PABPC4L: variants seen among roughly 807,000 people sequenced by gnomAD.
PABPC4L encodes the protein poly(A) binding protein cytoplasmic 4 like.
For missense variants in PABPC4L, 452 were observed against 451.4 expected, an observed-to-expected ratio of 1.00 and a Z score of -0.01; for synonymous variants, 169 against 164.1, an observed-to-expected ratio of 1.03 and a Z score of -0.23.
the PABPC4L span, among the ~76,000 whole-genome samples, chr4:134,002,528 AC>A: frequency 6.6e-6 from 1 of 151,960 alleles, no homozygotes; most frequent in Non-Finnish European, 1.5e-5. Flanking sequence ...CTTCAGAGAA[AC>A]TTTTTTTATT....
chr4:134,112,562 C>G, the PABPC4L span, among the ~76,000 whole-genome samples: 2 of 147,284 alleles, frequency 1.4e-5, no homozygotes, highest in Non-Finnish European at 3.0e-5. Flanking sequence ...TTACTATGCT[C>G]CACGTAACTA....
chr4:134,035,780 G>C, the PABPC4L span, among the ~76,000 whole-genome samples: 8 of 152,102 alleles, frequency 5.3e-5, no homozygotes, highest in African/African-American at 1.9e-4. Flanking sequence ...TATGATGGTT[G>C]AAATGATCAG....
the PABPC4L span, among the ~76,000 whole-genome samples, chr4:134,111,660 G>A: frequency 3.3e-5 from 5 of 151,980 alleles, no homozygotes; most frequent in East Asian, 3.9e-4. Context: ...AGTCTTTCTC[G>A]TGCTATTCTC....
At chr4:134,097,521 A>C in the PABPC4L span, among the ~76,000 whole-genome samples, 1 of 151,902 alleles carries the variant, frequency 6.6e-6, no homozygotes, top group Admixed American at 6.6e-5. Context: ...TGTTATACTC[A>C]TAATTCACTT....
chr4:134,066,753 AGGT>A, the PABPC4L span, among the ~76,000 whole-genome samples: 750 of 151,996 alleles, frequency 4.9e-3, 9 homozygotes, highest in African/African-American at 0.017. Context: ...ACATGAAGAG[AGGT>A]TGAATTTTAC....
the PABPC4L span, among the ~76,000 whole-genome samples, chr4:134,074,099 A>G: frequency 1.5e-4 from 23 of 152,304 alleles, no homozygotes; most frequent in African/African-American, 5.5e-4. Flanking sequence ...CTTTCCAGAA[A>G]ATAGGGTTTT....
the PABPC4L span, among the ~76,000 whole-genome samples, chr4:134,040,613 C>T: frequency 2.0e-5 from 3 of 152,030 alleles, no homozygotes; most frequent in East Asian, 3.9e-4. Context: ...GATCTAAAAC[C>T]ATAAAAACCC....
At chr4:133,992,290 G>T in the PABPC4L span, among the ~76,000 whole-genome samples, 1 of 152,212 alleles carries the variant, frequency 6.6e-6, no homozygotes, top group Non-Finnish European at 1.5e-5. Flanking sequence ...AGCCATAGTG[G>T]AATTCATTAC....
the PABPC4L span, among the ~76,000 whole-genome samples, chr4:134,059,631 A>C: frequency 6.6e-6 from 1 of 151,690 alleles, no homozygotes; most frequent in South Asian, 2.1e-4. Flanking sequence ...AATCAGAAAT[A>C]GAACTATAGA....
the PABPC4L span, among the ~76,000 whole-genome samples, chr4:134,053,102 T>C: frequency 1.3e-5 from 2 of 152,066 alleles, no homozygotes; most frequent in African/African-American, 4.8e-5. Context: ...AAATCCTAGT[T>C]GCAAATTAGA....
chr4:134,000,815 T>C, the PABPC4L span, among the ~76,000 whole-genome samples: 1 of 151,976 alleles, frequency 6.6e-6, no homozygotes, highest in Non-Finnish European at 1.5e-5. Flanking sequence ...ATGCTCTTGG[T>C]TCTCAGGCCA....
chr4:134,043,364 C>A, the PABPC4L span, among the ~76,000 whole-genome samples: 6 of 151,948 alleles, frequency 3.9e-5, no homozygotes, highest in African/African-American at 1.5e-4. Context: ...ATAACTGGAA[C>A]GATAGATGCA....
chr4:134,078,356 A>G, the PABPC4L span, among the ~76,000 whole-genome samples: 2 of 152,314 alleles, frequency 1.3e-5, no homozygotes, highest in Admixed American at 1.3e-4. Flanking sequence ...TCACCTGTGT[A>G]TATGTCACAC....
chr4:134,018,871 T>C, the PABPC4L span, among the ~76,000 whole-genome samples: 17 of 152,088 alleles, frequency 1.1e-4, no homozygotes, highest in African/African-American at 4.1e-4. Flanking sequence ...TAACTCCAAT[T>C]TGATTTCTTT....
At chr4:134,112,427 C>G in the PABPC4L span, among the ~76,000 whole-genome samples, 1 of 151,714 alleles carries the variant, frequency 6.6e-6, no homozygotes, top group African/African-American at 2.4e-5. Context: ...CTAGTAAGTT[C>G]TCTCTGATTT....
At chr4:133,968,359 T>C in the PABPC4L span, among the ~76,000 whole-genome samples, 1 of 152,126 alleles carries the variant, frequency 6.6e-6, no homozygotes, top group Non-Finnish European at 1.5e-5. Flanking sequence ...CCAACAGACA[T>C]GCTTGTTGAC....
chr4:134,193,643 G>A (rs1729575387), downstream of PABPC4L, among the ~76,000 whole-genome samples: 1 of 151,874 alleles, frequency 6.6e-6, no homozygotes, highest in African/African-American at 2.4e-5. Flanking sequence ...CCAAGTCCAT[G>A]TTGGGCATCA....
the PABPC4L span, among the ~76,000 whole-genome samples, chr4:134,084,026 A>C: frequency 7.9e-5 from 12 of 152,056 alleles, no homozygotes; most frequent in African/African-American, 2.9e-4. Flanking sequence ...CACTAGAATT[A>C]ATTTTGTGTC....
At chr4:134,145,248 C>T in the PABPC4L span, among the ~76,000 whole-genome samples, 2 of 151,504 alleles carry the variant, frequency 1.3e-5, no homozygotes, top group African/African-American at 2.4e-5. Flanking sequence ...TAAATAAATA[C>T]TGTTTGAATG....
Sources: allele counts gnomAD v4.1 joint callset (sites outside exome capture counted in the v4.1 genomes callset), GRCh38; gene constraint gnomAD v4.1.1; transcripts MANE v1.5; gene names NCBI Gene and HGNC (gene_info 2026-07-23, HGNC 2026-07-21).